Variants in NLGN1 observed in about 807,000 individuals in gnomAD.
NLGN1 encodes neuroligin 1.
NLGN1 carries 12 observed loss-of-function variants against 65.5 expected under a neutral mutation model. The observed-to-expected ratio is 0.18, with a 90% confidence interval of 0.12 to 0.30. The LOEUF (loss-of-function observed/expected upper bound fraction) is 0.30. NLGN1 is among the 10% of genes least tolerant of loss of function. The pLI is 1.00. For synonymous variants in NLGN1, 350 were observed against 359.5 expected, an observed-to-expected ratio of 0.97 and a Z score of 0.30; for missense variants, 750 against 1,007.1, an observed-to-expected ratio of 0.74 and a Z score of 3.46.
intron 2 of NLGN1, among the ~76,000 whole-genome samples, chr3:173,482,289 A>G (rs912219052): frequency 6.6e-6 from 1 of 151,850 alleles, no homozygotes; most frequent in African/African-American, 2.4e-5. Flanking sequence ...TCTCCTTTAT[A>G]TGTGTGAGAG....
intron 4 of NLGN1, among the ~76,000 whole-genome samples, chr3:173,926,856 T>C (rs1249024836): frequency 6.6e-6 from 1 of 152,196 alleles, no homozygotes; most frequent in Admixed American, 6.5e-5. Context: ...CTTTAGGCAA[T>C]TCAGTACCAC....
At chr3:174,291,005 A>G (rs569644042), downstream of NLGN1, among the ~76,000 whole-genome samples, 109 of 144,946 alleles carry the variant, frequency 7.5e-4, 1 homozygote, top group African/African-American at 2.8e-3. Flanking sequence ...AATAAAACTC[A>G]AGAAAGAATT....
chr3:174,167,253 T>C lies in NLGN1; in HGVS notation c.647-108062T>C, dbSNP rs573873002. Among the ~76,000 whole-genome samples, 112 of 152,126 alleles carry C rather than the reference T, an allele frequency of 7.4e-4. 1 individual carries two copies. The highest frequency in any genetic ancestry group is 2.6e-3 in the African/African-American group (110 of 41,546). On this transcript the variant is annotated intron_variant, in intron 4 of 6. Transcript: ENST00000457714. ...TGTTAGCTGGTTGTTTTGTAGTTTC[T>C]ATTGTGTTTTATTCTATTTTTGCTT...
At chr3:174,074,156 A>C (rs1740444995) in intron 4 of NLGN1, among the ~76,000 whole-genome samples, 1 of 152,150 alleles carries the variant, frequency 6.6e-6, no homozygotes, top group Middle Eastern at 3.2e-3. Context: ...TCAAAATAAA[A>C]GGCTTGATTT....
At chr3:173,903,919 C>A (rs1355359060) in intron 4 of NLGN1, among the ~76,000 whole-genome samples, 1 of 151,978 alleles carries the variant, frequency 6.6e-6, no homozygotes, top group East Asian at 1.9e-4. Flanking sequence ...TACTTGTAGT[C>A]TTTTTTCCCC....
intron 4 of NLGN1, among the ~76,000 whole-genome samples, chr3:174,245,711 G>A (rs1012194068): frequency 1.3e-5 from 2 of 152,068 alleles, no homozygotes; most frequent in African/African-American, 4.8e-5. Flanking sequence ...ATAACTGGAG[G>A]TGTTTTCTAA....
chr3:173,977,255 C>G (rs961681150), intron 4 of NLGN1, among the ~76,000 whole-genome samples: 1 of 151,736 alleles, frequency 6.6e-6, no homozygotes, highest in Non-Finnish European at 1.5e-5. Flanking sequence ...AAATAACTTT[C>G]AGTTGAAATC....
chr3:173,808,506 G>A (rs923348775), intron 4 of NLGN1, among the ~76,000 whole-genome samples: 2 of 152,030 alleles, frequency 1.3e-5, no homozygotes, highest in African/African-American at 4.8e-5. Context: ...TCTGAGATAG[G>A]CATGTTATCT....
chr3:173,859,679 C>T (rs1278465099), intron 4 of NLGN1, among the ~76,000 whole-genome samples: 1 of 151,738 alleles, frequency 6.6e-6, no homozygotes, highest in Admixed American at 6.6e-5. Flanking sequence ...CTTTCTAGGC[C>T]TCAGTTTTCT....
chr3:173,920,383 G>A (rs1741750669), intron 4 of NLGN1: 1 of 152,050 alleles, frequency 6.6e-6, no homozygotes, highest in Admixed American at 6.6e-5. Context: ...AATATAATTT[G>A]TTTTCTTCAG....
At chr3:173,765,638 C>A (rs1778675200) in intron 3 of NLGN1, among the ~76,000 whole-genome samples, 2 of 152,110 alleles carry the variant, frequency 1.3e-5, no homozygotes, top group Non-Finnish European at 2.9e-5. Flanking sequence ...GTTATTGTTC[C>A]AATCTCTCTC....
intron 3 of NLGN1, among the ~76,000 whole-genome samples, chr3:173,634,309 A>G (rs1464951157): frequency 6.6e-5 from 10 of 152,164 alleles, no homozygotes; most frequent in Admixed American, 2.0e-4. Context: ...TACATCCCCT[A>G]TAAAAGAAAT....
Position 173,539,475 on chromosome 3 carries a change from G to A in NLGN1, c.-320-64804G>A, listed in dbSNP as rs936168929. Among the ~76,000 whole-genome samples the A allele has an allele frequency of 2.8e-4, 39 of 141,638 alleles. No homozygotes were observed. In the East Asian group the frequency reaches 5.5e-3, roughly 20 times the overall value. 92.9% of individuals were successfully genotyped at this position (141,638 alleles called of 152,430 possible). A position where few individuals can be genotyped will look rare whatever the true frequency, so the allele number is the denominator to read the frequency against. ...TACATACATGTACATATGTATATAC[G>A]CATATGCATGTATATGTATGTATAT... On this transcript the variant is annotated intron_variant, in intron 2 of 6. Transcript: ENST00000457714.
chr3:173,894,547 G>A (rs1174734345), intron 4 of NLGN1, among the ~76,000 whole-genome samples: 1 of 151,656 alleles, frequency 6.6e-6, no homozygotes, highest in African/African-American at 2.4e-5. Context: ...GTATATGAGT[G>A]TTCCATTGTT....
intron 4 of NLGN1, among the ~76,000 whole-genome samples, chr3:174,209,208 A>C (rs559781489): frequency 6.6e-6 from 1 of 152,134 alleles, no homozygotes; most frequent in East Asian, 1.9e-4. Flanking sequence ...ACAAGTGTGA[A>C]CCACCGTGCC....
chr3:174,268,209 G>T (rs7644336), intron 4 of NLGN1, among the ~76,000 whole-genome samples: 29,105 of 152,032 alleles, frequency 0.19, 2,838 homozygotes, highest in South Asian at 0.26. Flanking sequence ...GATTCAAAAG[G>T]CCTTTTAGAA....
intron 4 of NLGN1, among the ~76,000 whole-genome samples, chr3:173,987,804 T>C (rs1213474423): frequency 6.6e-6 from 1 of 152,192 alleles, no homozygotes; most frequent in Non-Finnish European, 1.5e-5. Context: ...GACTTAATTC[T>C]TTTTGGCATT....
intron 4 of NLGN1, among the ~76,000 whole-genome samples, chr3:174,258,059 A>G (rs1746140535): frequency 6.6e-6 from 1 of 152,034 alleles, no homozygotes; most frequent in African/African-American, 2.4e-5. Flanking sequence ...AAAAATTTTA[A>G]CTAGACAAAT....
chr3:173,824,861 C>T (rs745347033), intron 4 of NLGN1, among the ~76,000 whole-genome samples: 14 of 151,924 alleles, frequency 9.2e-5, no homozygotes, highest in African/African-American at 1.2e-4. Context: ...TCTTATTAAC[C>T]GTATGTAGCC....
Sources: allele counts gnomAD v4.1 joint callset (sites outside exome capture counted in the v4.1 genomes callset), GRCh38; gene constraint gnomAD v4.1.1; transcripts MANE v1.5; gene names NCBI Gene and HGNC (gene_info 2026-07-23, HGNC 2026-07-21).